GPHN: variants seen among roughly 807,000 people sequenced by gnomAD.
GPHN encodes the protein gephyrin.
In GPHN, 17 loss-of-function variants were observed where a neutral mutation model predicts 95.5. The observed-to-expected ratio is 0.18, with a 90% CI of 0.12 to 0.27. GPHN has a LOEUF of 0.27. Among genes scored for constraint, GPHN ranks in the 10% least tolerant of loss-of-function variants. The pLI is 1.00. For missense variants in GPHN, 660 were observed against 978.1 expected, an observed-to-expected ratio of 0.67 and a Z score of 4.34; for synonymous variants, 320 against 322.5, an observed-to-expected ratio of 0.99 and a Z score of 0.08.
chr14:67,342,219 A>T, the GPHN span, among the ~76,000 whole-genome samples: 5,619 of 94,170 alleles, frequency 0.06, 300 homozygotes, highest in African/African-American at 0.24. Context: ...TAAATAAAAT[A>T]AAATAAAAAA....
intron 9 of GPHN, among the ~76,000 whole-genome samples, chr14:66,984,650 T>C (rs1341911583): frequency 6.6e-6 from 1 of 152,142 alleles, no homozygotes; most frequent in African/African-American, 2.4e-5. Flanking sequence ...TTATAGGATG[T>C]TCAGGTTTCT....
At chr14:67,420,778 A>G in the GPHN span, among the ~76,000 whole-genome samples, 2 of 152,260 alleles carry the variant, frequency 1.3e-5, no homozygotes, top group Non-Finnish European at 2.9e-5. Context: ...CACCTTTCAC[A>G]GTAGGGTGAA....
chr14:66,729,556 G>C (rs2071576213), intron 2 of GPHN, among the ~76,000 whole-genome samples: 2 of 152,122 alleles, frequency 1.3e-5, no homozygotes, highest in Non-Finnish European at 2.9e-5. Context: ...GGAAATTTGA[G>C]ATCTTTCTTG....
the GPHN span, among the ~76,000 whole-genome samples, chr14:67,643,198 G>A: frequency 6.6e-6 from 1 of 152,114 alleles, no homozygotes; most frequent in Admixed American, 6.5e-5. Context: ...GTACTTTATT[G>A]AGCACTGTTC....
the GPHN span, chr14:67,648,186 A>C: frequency 6.2e-7 from 1 of 1,612,466 alleles, no homozygotes; most frequent in Non-Finnish European, 8.5e-7. Context: ...CAATACAGGT[A>C]TGTAGCAACC....
chr14:66,842,168 A>T (rs1015249895), intron 4 of GPHN, among the ~76,000 whole-genome samples: 1 of 151,944 alleles, frequency 6.6e-6, no homozygotes, highest in Non-Finnish European at 1.5e-5. Flanking sequence ...AGTCATCAAC[A>T]TATAAATGGA....
the GPHN span, among the ~76,000 whole-genome samples, chr14:67,452,233 G>A: frequency 6.7e-6 from 1 of 150,012 alleles, no homozygotes; most frequent in Non-Finnish European, 1.5e-5. Flanking sequence ...TGAGGCAAGA[G>A]AATCATTTGA....
chr14:66,558,112 T>G (rs1460379551), intron 1 of GPHN, among the ~76,000 whole-genome samples: 1 of 152,164 alleles, frequency 6.6e-6, no homozygotes, highest in Admixed American at 6.6e-5. Context: ...AGAAAATGAT[T>G]TTTTTCCTAA....
chr14:67,316,482 T>C, the GPHN span, among the ~76,000 whole-genome samples: 1 of 152,194 alleles, frequency 6.6e-6, no homozygotes, highest in Non-Finnish European at 1.5e-5. Flanking sequence ...ATATCCTTAA[T>C]TTGAGATAAT....
chr14:67,055,654 A>C (rs910207276), intron 10 of GPHN, among the ~76,000 whole-genome samples: 2 of 152,264 alleles, frequency 1.3e-5, no homozygotes, highest in African/African-American at 4.8e-5. Context: ...GAATCAACCC[A>C]AACGCCTATC....
At chr14:67,648,044 T>C in the GPHN span, 1 of 1,607,582 alleles carries the variant, frequency 6.2e-7, no homozygotes, top group South Asian at 1.1e-5. Context: ...TCTTCCTTTT[T>C]AGGAGACAAA....
At chr14:67,585,563 C>G in the GPHN span, 1 of 1,569,776 alleles carries the variant, frequency 6.4e-7, no homozygotes, top group Non-Finnish European at 8.7e-7. Context: ...TTTCTGTTTC[C>G]CCAGCCTGCC....
At chr14:67,170,115 T>C (rs2082514793) in intron 21 of GPHN, among the ~76,000 whole-genome samples, 1 of 152,064 alleles carries the variant, frequency 6.6e-6, no homozygotes. Flanking sequence ...TTTAAAAAAT[T>C]ACACTGAGAA....
rs1274002853 is a variant in GPHN, at chr14:66,837,612, TAA to T, written c.294+13050_294+13051del. On this transcript the variant is annotated intron_variant, in intron 4 of 22. Coordinates refer to ENST00000478722, the MANE Select transcript of GPHN (RefSeq NM_020806.5). Reference sequence around the variant, plus strand: ...AGTATAATAAAAATAAATAAATAAATAAAAATAAATAAATAAATAAATAAATA... The same window carrying T: ...AGTATAATAAAAATAAATAAATAAATAAATAAATAAATAAATAAATAAATA... Among the ~76,000 whole-genome samples the T allele has an allele frequency of 3.6e-3, 460 of 126,846 alleles. 3 individuals carry two copies. The highest frequency in any genetic ancestry group is 0.016 in the African/African-American group (421 of 26,990). The allele number at this position is 126,846 out of a possible 152,430, so 83.2% of individuals were successfully genotyped here. A position where few individuals can be genotyped will look rare whatever the true frequency, so the allele number is the denominator to read the frequency against.
chr14:66,952,567 A>G (rs1207810107), intron 8 of GPHN, among the ~76,000 whole-genome samples: 1 of 152,206 alleles, frequency 6.6e-6, no homozygotes, highest in Admixed American at 6.6e-5. Flanking sequence ...TTGTTGTAAT[A>G]TGATAATTCT....
intron 21 of GPHN, among the ~76,000 whole-genome samples, chr14:67,173,755 A>G (rs1356765239): frequency 6.6e-6 from 1 of 152,236 alleles, no homozygotes; most frequent in African/African-American, 2.4e-5. Flanking sequence ...CAAAGTAATT[A>G]TCTGAAGGAA....
chr14:67,589,236 C>T, the GPHN span: 1 of 544,884 alleles, frequency 1.8e-6, no homozygotes, highest in Non-Finnish European at 2.3e-6. Context: ...CCCCCACCCT[C>T]TCTCCTCCCC....
the GPHN span, among the ~76,000 whole-genome samples, chr14:67,610,488 A>G: frequency 6.6e-6 from 1 of 152,172 alleles, no homozygotes; most frequent in Non-Finnish European, 1.5e-5. Flanking sequence ...TAGTTAAAGA[A>G]TGAGCTGCTG....
intron 5 of GPHN, among the ~76,000 whole-genome samples, chr14:66,886,208 A>G (rs554293251): frequency 2.0e-5 from 3 of 152,200 alleles, no homozygotes; most frequent in African/African-American, 7.2e-5. Flanking sequence ...TTTTAAGGCC[A>G]TGATGGGACT....
Sources: allele counts gnomAD v4.1 joint callset (sites outside exome capture counted in the v4.1 genomes callset), GRCh38; gene constraint gnomAD v4.1.1; transcripts MANE v1.5; gene names NCBI Gene and HGNC (gene_info 2026-07-23, HGNC 2026-07-21).